The following IL31RA variants were observed in gnomAD, a reference collection of about 807,000 sequenced individuals.
The protein encoded by IL31RA is interleukin 31 receptor A, also known as interleukin-31 receptor subunit alpha.
In IL31RA, 66 loss-of-function variants were observed where a neutral mutation model predicts 83.7. That is an observed-to-expected ratio of 0.79 (90% CI 0.65 to 0.97). IL31RA has a LOEUF of 0.97. IL31RA is among the 50% of genes least tolerant of loss of function. The pLI, the probability that IL31RA is intolerant of heterozygous loss-of-function variation, is 0.00. For synonymous variants in IL31RA, 325 were observed against 329.0 expected (o/e 0.99, Z 0.13); for missense variants, 798 against 919.4 (o/e 0.87, Z 1.71).
At chr5:55,850,598 T>A (rs1315778641), upstream of IL31RA, among the ~76,000 whole-genome samples, 1 of 152,246 alleles carries the variant, frequency 6.6e-6, no homozygotes, top group African/African-American at 2.4e-5. Context: ...TGCCTTTCTT[T>A]CAAGTTTTTT....
chr5:55,879,490 T>TA (rs1392686117), intron 4 of IL31RA, among the ~76,000 whole-genome samples: 36 of 128,624 alleles, frequency 2.8e-4, no homozygotes, highest in African/African-American at 1.1e-3. Flanking sequence ...TGGAGTGCTG[T>TA]GGCGCGATCT....
intron 1 of IL31RA, among the ~76,000 whole-genome samples, chr5:55,854,862 T>C (rs901124560): frequency 2.0e-5 from 3 of 152,126 alleles, no homozygotes; most frequent in African/African-American, 7.2e-5. Context: ...TCTAAGGAGA[T>C]AGTATACATG....
chr5:55,920,004 G>C lies in IL31RA; in HGVS notation c.*2884G>C, dbSNP rs1750009853. Among the ~76,000 whole-genome samples the C allele has an allele frequency of 6.6e-6, 1 of 152,238 alleles. No individual in the cohort carries two copies. The highest frequency in any genetic ancestry group is 2.4e-5 in the African/African-American group (1 of 41,460). On this transcript the variant is annotated 3_prime_UTR_variant, in exon 15 of 15. Transcript: ENST00000652347. ...TTTCTGAGACCCTGGGATCCATGCA[G>C]ACAGCTAGGTTAGTGGCCTTTCTTT...
chr5:55,905,194 C>T (rs1487291103), intron 8 of IL31RA, among the ~76,000 whole-genome samples: 4 of 143,854 alleles, frequency 2.8e-5, no homozygotes, highest in African/African-American at 1.1e-4. Context: ...GGGCGAGACT[C>T]TGCCTCAAAA....
At chr5:55,869,473 TA>T (rs1005482863) in intron 3 of IL31RA, among the ~76,000 whole-genome samples, 9 of 151,668 alleles carry the variant, frequency 5.9e-5, no homozygotes, top group African/African-American at 1.7e-4. Flanking sequence ...ATTTGCAGGT[TA>T]AAAAAAAACT....
At chr5:55,862,966 A>C (rs553281025) in intron 2 of IL31RA, among the ~76,000 whole-genome samples, 5 of 152,350 alleles carry the variant, frequency 3.3e-5, no homozygotes, top group African/African-American at 1.2e-4. Flanking sequence ...AATAAGACTT[A>C]AAATAGGCAC....
chr5:55,888,043 A>G (rs1360724654), intron 5 of IL31RA, among the ~76,000 whole-genome samples: 3 of 149,662 alleles, frequency 2.0e-5, no homozygotes, highest in Admixed American at 2.0e-4. Context: ...GAGTCAGGGA[A>G]AAAAAAAAAA....
chr5:55,879,054 C>T (rs1055675680), intron 4 of IL31RA, among the ~76,000 whole-genome samples: 1 of 152,154 alleles, frequency 6.6e-6, no homozygotes, highest in Admixed American at 6.5e-5. Context: ...TCTCTTGCCC[C>T]AGGCTTCCAT....
At chr5:55,849,988 G>T (rs1182446844), upstream of IL31RA, among the ~76,000 whole-genome samples, 1 of 152,134 alleles carries the variant, frequency 6.6e-6, no homozygotes. Flanking sequence ...TGGATCATTT[G>T]GATGGGTAGA....
At chr5:55,855,748 G>A (rs1013925770) in intron 1 of IL31RA, among the ~76,000 whole-genome samples, 11 of 152,226 alleles carry the variant, frequency 7.2e-5, no homozygotes, top group Non-Finnish European at 1.5e-4. Flanking sequence ...TCCCAGCAGA[G>A]GCAGTAGCTT....
In IL31RA at chr5:55,883,344, A is replaced by G. The variant is rs534534309; in HGVS notation, c.606+149A>G. On this transcript the variant is annotated intron_variant, in intron 5 of 14. Coordinates refer to ENST00000652347, the MANE Select transcript of IL31RA (RefSeq NM_139017.7). ...TAAGTACTTCTCCTTCCAGTTTTCC[A>G]TTTTTCCATCTGGACCTTTTAGATT... 1,029 of 812,988 alleles carry G rather than the reference A, an allele frequency of 1.3e-3. 1 individual carries two copies. Among genetic ancestry groups the G allele is most frequent in the Non-Finnish European group, 1.7e-3 (888 of 507,496 alleles). The allele number at this position is 812,988 out of a possible 1,614,324, so 50.4% of individuals were successfully genotyped here. A position where few individuals can be genotyped will look rare whatever the true frequency, so the allele number is the denominator to read the frequency against.
In IL31RA at chr5:55,917,192, G is replaced by A; in HGVS notation, c.*72G>A. The A allele has an allele frequency of 4.4e-6, 7 of 1,609,082 alleles. No individual in the cohort carries two copies. In the South Asian group the frequency reaches 7.7e-5, roughly 18 times the overall value. ...TTGCCAGAGAAGATGTCAAGACTCGGCACGCAGCGCTTGCTTGGCCCTGCC... is the reference window on the plus strand; with the variant it reads ...TTGCCAGAGAAGATGTCAAGACTCGACACGCAGCGCTTGCTTGGCCCTGCC... On this transcript the variant is annotated 3_prime_UTR_variant, in exon 15 of 15. Coordinates refer to ENST00000652347, the MANE Select transcript of IL31RA (RefSeq NM_139017.7).
chr5:55,842,553 C>T, the IL31RA span, among the ~76,000 whole-genome samples: 1 of 152,310 alleles, frequency 6.6e-6, no homozygotes, highest in Admixed American at 6.5e-5. Flanking sequence ...GCTGAAATGT[C>T]CCTTTCTCTA....
chr5:55,850,301 A>G (rs2112255098), upstream of IL31RA, among the ~76,000 whole-genome samples: 1 of 151,956 alleles, frequency 6.6e-6, no homozygotes, highest in East Asian at 1.9e-4. Flanking sequence ...TTCTCTCATT[A>G]TTTCTTTCCC....
chr5:55,910,945 A>G (rs1156941963), intron 12 of IL31RA, among the ~76,000 whole-genome samples: 1 of 152,288 alleles, frequency 6.6e-6, no homozygotes, highest in African/African-American at 2.4e-5. Flanking sequence ...GGAGGTGTCA[A>G]ATTAATGCCA....
At chr5:55,901,551 A>G (rs1197377422) in intron 8 of IL31RA, among the ~76,000 whole-genome samples, 1 of 151,558 alleles carries the variant, frequency 6.6e-6, no homozygotes, top group Non-Finnish European at 1.5e-5. Context: ...TCATGTATGT[A>G]AAATGCTTTG....
chr5:55,920,739 A>C lies in IL31RA; in HGVS notation c.*3619A>C, dbSNP rs1750053225. Reference sequence around the variant, plus strand: ...CAGGATATGTCATTCTGAATTTCTGACCAAATAAGGACTGCCCTCTTTGAA... The same window carrying C: ...CAGGATATGTCATTCTGAATTTCTGCCCAAATAAGGACTGCCCTCTTTGAA... On this transcript the variant is annotated 3_prime_UTR_variant, in exon 15 of 15. Coordinates refer to ENST00000652347, the MANE Select transcript of IL31RA (RefSeq NM_139017.7). 6.6e-6 allele frequency among the ~76,000 whole-genome samples: 1 copy of C among 152,224 alleles called. No homozygotes were observed. Among genetic ancestry groups the C allele is most frequent in the Non-Finnish European group, 1.5e-5 (1 of 68,040 alleles).
chr5:55,854,740 G>T (rs1264701971), intron 1 of IL31RA, among the ~76,000 whole-genome samples: 1 of 102,682 alleles, frequency 9.7e-6, no homozygotes, highest in African/African-American at 4.2e-5. Context: ...GTGAGACCCC[G>T]TCTCCAGAAA....
chr5:55,909,358 T>C (rs1314393461), intron 11 of IL31RA, among the ~76,000 whole-genome samples: 7 of 152,222 alleles, frequency 4.6e-5, no homozygotes, highest in African/African-American at 1.7e-4. Flanking sequence ...AGATGTCTGC[T>C]ACGAACATAT....
Sources: gnomAD v4.1 joint callset for allele counts (sites outside exome capture counted in the v4.1 genomes callset) on GRCh38, gnomAD v4.1.1 for gene constraint, MANE v1.5 for transcripts, NCBI Gene and HGNC (gene_info 2026-07-23, HGNC 2026-07-21) for gene names.